The following ATP13A2 variants were observed in gnomAD, a reference collection of about 807,000 sequenced individuals.
The protein encoded by ATP13A2 is ATPase cation transporting 13A2.
In ATP13A2, 83 loss-of-function variants were observed where a neutral mutation model predicts 138.3. The observed-to-expected ratio is 0.60, with a 90% CI of 0.50 to 0.72. The LOEUF (loss-of-function observed/expected upper bound fraction) is 0.72. ATP13A2 is among the 30% of genes least tolerant of loss of function. The pLI is 0.00. For missense variants in ATP13A2, 1,402 were observed against 1,606.4 expected, an observed-to-expected ratio of 0.87 and a Z score of 2.17; for synonymous variants, 663 against 699.0, an observed-to-expected ratio of 0.95 and a Z score of 0.81.
At chr1:16,989,213 G>A (rs903662869) in intron 23 of ATP13A2, among the ~76,000 whole-genome samples, 19 of 151,974 alleles carry the variant, frequency 1.3e-4, no homozygotes, top group Admixed American at 9.2e-4. Flanking sequence ...ACCGCGCCTG[G>A]CCTATTACTA....
chr1:16,993,406 C>T (rs2077002994), intron 16 of ATP13A2, among the ~76,000 whole-genome samples: 1 of 152,180 alleles, frequency 6.6e-6, no homozygotes, highest in Non-Finnish European at 1.5e-5. Flanking sequence ...TGGGGTTTTG[C>T]CATGTAGGTC....
Position 17,000,144 on chromosome 1 carries a change from T to TGCAG in ATP13A2, c.908-6_908-3dup, listed in dbSNP as rs1195148596. 2 of 1,613,158 alleles carry TGCAG rather than the reference T, an allele frequency of 1.2e-6. No homozygotes were observed. The highest frequency in any genetic ancestry group is 2.2e-5 in the South Asian group (2 of 91,066). On this transcript the variant is annotated splice_region_variant and splice_polypyrimidine_tract_variant and intron_variant, in intron 10 of 28. Transcript: ENST00000326735. ...CACTGGAGTCCACCCACTCTTCCTC[T>TGCAG]GCAGGCAGGCAGGAGAGGAGCTCAG... is the stretch of plus-strand genomic sequence containing the variant.
At chr1:17,005,307 G>T (rs2077511213) in intron 3 of ATP13A2, 67 bp downstream of exon 3, 4 of 1,547,992 alleles carry the variant, frequency 2.6e-6, no homozygotes, top group Non-Finnish European at 3.5e-6. Context: ...TGGCACCCAA[G>T]CATCCTCCAC....
rs571552134 is a variant in ATP13A2, at chr1:16,997,789, C to T, written c.1040-614G>A. On this transcript the variant is annotated intron_variant, in intron 11 of 28. Transcript: ENST00000326735. ...CAGAGAGGCGGAGGTTGCAGTGAGC[C>T]GAGATCGTGCCACTGCACTCCAGCC... 1.6e-4 allele frequency among the ~76,000 whole-genome samples: 24 copies of T among 147,468 alleles called. No individual in the cohort carries two copies. In the South Asian group the frequency reaches 3.5e-3, roughly 22 times the overall value.
At position 16,993,697 on chromosome 1, in the gene ATP13A2, G is replaced by C; in HGVS notation, c.1681C>G (p.Leu561Val). 6.3e-7 allele frequency: 1 copy of C among 1,595,586 alleles called. No homozygotes were observed. The highest frequency in any genetic ancestry group is 8.5e-7 in the Non-Finnish European group (1 of 1,171,682). The change falls in exon 16 of 29, where the codon CTC becomes GTC. Residue 561 changes from leucine (L) to valine (V), a missense_variant. By Grantham distance (32) the Leu-to-Val change is conservative (BLOSUM62 1). Coordinates refer to ENST00000326735, the MANE Select transcript of ATP13A2 (RefSeq NM_022089.4). ...LLRALATCHA[L>V]SRLQDTPVGD... ...ACGGGGGTGTCCTGGAGCCGGCTGA[G>C]GGCATGGCAGGTGGCCAGTGCTCGG...
At position 16,988,230 on chromosome 1, in the gene ATP13A2, C is replaced by A; in HGVS notation, c.2767G>T (p.Gly923Trp). The change falls in exon 25 of 29, where the codon GGG becomes TGG. Residue 923 changes from glycine to tryptophan, a missense_variant. Physicochemically the swap from Gly to Trp is radical, Grantham distance 184 (BLOSUM62 -2). Transcript: ENST00000326735. The part of the protein sequence containing the change: ...IECVPMVIRE[G>W]RCSLDTSFSV... ...AACGAAGTGTCAAGGGAACAGCGCCCCTCCCTGGGTGGCAGGGCACGGACA... is the reference window on the plus strand; with the variant it reads ...AACGAAGTGTCAAGGGAACAGCGCCACTCCCTGGGTGGCAGGGCACGGACA... 1 of 1,614,192 alleles carries A rather than the reference C, an allele frequency of 6.2e-7. No homozygotes were observed. The highest frequency in any genetic ancestry group is 1.1e-5 in the South Asian group (1 of 91,080).
intron 10 of ATP13A2, 52 bp from the exon 11 acceptor site, chr1:17,000,194 G>GT: frequency 7.0e-6 from 11 of 1,570,152 alleles, no homozygotes; most frequent in Middle Eastern, 2.2e-4. Flanking sequence ...CCCCAGCCAT[G>GT]CCCCCCCACC....
At chr1:17,006,221 G>T (rs1044402736) in intron 1 of ATP13A2, among the ~76,000 whole-genome samples, 1 of 151,552 alleles carries the variant, frequency 6.6e-6, no homozygotes, top group Non-Finnish European at 1.5e-5. Context: ...CCTTTATCTG[G>T]CTCTTCTTTC....
At position 17,000,881 on chromosome 1, in the gene ATP13A2, G is replaced by A. The variant is rs60317421; in HGVS notation, c.706-347C>T. Reference sequence around the variant, plus strand: ...CACTTAAGCTGGGGAGGTGGAGGGTGCAGTGAGCTGAGATCGCGCCACTGC... The same window carrying A: ...CACTTAAGCTGGGGAGGTGGAGGGTACAGTGAGCTGAGATCGCGCCACTGC... On this transcript the variant is annotated intron_variant, in intron 8 of 28. Transcript: ENST00000326735. 880 of 285,090 alleles carry A rather than the reference G, an allele frequency of 3.1e-3. 10 individuals are homozygous for A. The highest frequency in any genetic ancestry group is 0.018 in the African/African-American group (822 of 46,678). The allele number at this position is 285,090 out of a possible 1,614,324, so 17.7% of individuals were successfully genotyped here.
chr1:17,005,257 G>C (rs1359855491), intron 3 of ATP13A2, 117 bp downstream of exon 3: 3 of 1,482,642 alleles, frequency 2.0e-6, no homozygotes, highest in Non-Finnish European at 2.8e-6. Flanking sequence ...AGAGAAGAGC[G>C]GGACCTGCCT....
At position 17,011,696 on chromosome 1, in the gene ATP13A2, C is replaced by T. The variant is rs748384275; in HGVS notation, c.10+33G>A. 9 of 1,482,766 alleles carry T rather than the reference C, an allele frequency of 6.1e-6. No homozygotes were observed. The highest frequency in any genetic ancestry group is 1.9e-4 in the Middle Eastern group (1 of 5,146). The allele number at this position is 1,482,766 out of a possible 1,614,324, so 91.9% of individuals were successfully genotyped here. ...ACAACTGGCGGGCCGGGGACCGCGC[C>T]GGGCTCGGGGCCGACCCGGACTCCG... On this transcript the variant is annotated intron_variant, in intron 1 of 28. Transcript: ENST00000326735. This position sits in a 1 kb window ranked among gnomAD's most constrained non-coding sequence, Gnocchi z 7.3.
chr1:16,993,128 G>A (rs150723807), intron 16 of ATP13A2, among the ~76,000 whole-genome samples: 1 of 152,302 alleles, frequency 6.6e-6, no homozygotes, highest in African/African-American at 2.4e-5. Flanking sequence ...TGTTGGCCAG[G>A]CTGCTTTCAA....
At position 17,000,134 on chromosome 1, in the gene ATP13A2, A is replaced by G. The variant is rs200390800; in HGVS notation, c.916T>C (p.Trp306Arg). 5.0e-6 allele frequency: 8 copies of G among 1,612,968 alleles called. No homozygotes were observed. In the Admixed American group the frequency reaches 1.3e-4, roughly 27 times the overall value. Residue 306 changes from tryptophan (W) to arginine (R), a missense_variant, in exon 11 of 29, where the codon TGG (tryptophan) becomes CGG (arginine). By Grantham distance (101) the Trp-to-Arg change is moderately radical. Transcript: ENST00000326735. ...CVCRPGGEEE[W>R]VDSSELVPGD... Reference sequence around the variant, plus strand: ...GGCACTAGCTCACTGGAGTCCACCCACTCTTCCTCTGCAGGCAGGCAGGAG... The same window carrying G: ...GGCACTAGCTCACTGGAGTCCACCCGCTCTTCCTCTGCAGGCAGGCAGGAG...
chr1:16,991,598 G>C, intron 20 of ATP13A2, 136 bp downstream of exon 20: 1 of 1,307,400 alleles, frequency 7.6e-7, no homozygotes, highest in Admixed American at 1.7e-5. Context: ...GAAGATTCAC[G>C]AAATGTTTAA....
intron 16 of ATP13A2, among the ~76,000 whole-genome samples, chr1:16,993,141 T>A (rs887245680): frequency 6.6e-5 from 10 of 152,158 alleles, no homozygotes; most frequent in African/African-American, 2.4e-4. Context: ...GCTTTCAAAC[T>A]TCCGACCTCA....
intron 11 of ATP13A2, among the ~76,000 whole-genome samples, chr1:16,998,222 T>G (rs887342997): frequency 2.0e-5 from 3 of 152,156 alleles, no homozygotes; most frequent in African/African-American, 4.8e-5. Flanking sequence ...TTTTGTTTTC[T>G]GAGACGGAGT....
chr1:17,004,204 G>T lies in ATP13A2; in HGVS notation c.557+128C>A. The T allele has an allele frequency of 1.0e-6, 1 of 980,492 alleles. No individual in the cohort carries two copies. Among genetic ancestry groups the T allele is most frequent in the Non-Finnish European group, 1.6e-6 (1 of 629,150 alleles). The allele number at this position is 980,492 out of a possible 1,614,324, so 60.7% of individuals were successfully genotyped here. On this transcript the variant is annotated intron_variant, in intron 6 of 28. Transcript: ENST00000326735. This position sits in a 1 kb window ranked among gnomAD's most constrained non-coding sequence, Gnocchi z 4.1. ...CAGGCCTGGAGGGGCTCAGTAACCT[G>T]CCCAAGGTTTCAGACAGCAAAAGCA...
Position 16,986,400 on chromosome 1 carries a change from G to T in ATP13A2, c.3406-42C>A. Reference sequence around the variant, plus strand: ...GGGTGTCAGGGGCAGCCGGGGCTGAGCTGGGGTCAATGCACCCCCACCTCC... The same window carrying T: ...GGGTGTCAGGGGCAGCCGGGGCTGATCTGGGGTCAATGCACCCCCACCTCC... On this transcript the variant is annotated intron_variant, in intron 28 of 28. Transcript: ENST00000326735. The surrounding 1 kb of genome is among the most constrained non-coding windows in gnomAD (Gnocchi z 6.9). 1.3e-6 allele frequency: 2 copies of T among 1,598,824 alleles called. No individual in the cohort carries two copies.
chr1:17,001,305 G>A lies in ATP13A2; in HGVS notation c.705+729C>T, dbSNP rs1299537628. ...TAGCTGGGCGTGGTGGCAGGCGCCT[G>A]TAGTCCCAGCTATGTAGGAGGCTCA... On this transcript the variant is annotated intron_variant, in intron 8 of 28. Coordinates refer to ENST00000326735, the MANE Select transcript of ATP13A2 (RefSeq NM_022089.4). Among the ~76,000 whole-genome samples, 4 of 151,222 alleles carry A rather than the reference G, an allele frequency of 2.6e-5. No individual in the cohort carries two copies. The East Asian group carries it at 7.8e-4, about 29-fold the overall frequency.
Sources: gnomAD v4.1 joint callset for allele counts (sites outside exome capture counted in the v4.1 genomes callset) on GRCh38, gnomAD v4.1.1 for gene constraint, Gnocchi (gnomAD v3.1) non-coding constraint, MANE v1.5 for transcripts, NCBI Gene and HGNC (gene_info 2026-07-23, HGNC 2026-07-21) for gene names.